LINGO1: variants seen among roughly 807,000 people sequenced by gnomAD.
The protein encoded by LINGO1 is leucine rich repeat and Ig domain containing 1.
A neutral mutation model predicts 37.3 loss-of-function variants in LINGO1; 11 were observed. The observed-to-expected ratio is 0.29, with a 90% confidence interval of 0.19 to 0.49. LINGO1 has a LOEUF of 0.49. Ranked by LOEUF, LINGO1 falls within the 20% of genes least tolerant of loss-of-function variation. LINGO1 has a pLI of 0.99. For missense variants in LINGO1, 585 were observed against 878.2 expected (o/e 0.67, Z 4.22); for synonymous variants, 387 against 403.0 (o/e 0.96, Z 0.48).
intron 1 of LINGO1, among the ~76,000 whole-genome samples, chr15:77,804,985 C>G (rs369731610): frequency 1.3e-5 from 2 of 152,322 alleles, no homozygotes; most frequent in Admixed American, 1.3e-4. Context: ...GCCCACCCCC[C>G]CAACTGCTCC....
chr15:77,810,227 T>TACACACAC lies in LINGO1; in HGVS notation c.-458+10023_-458+10030dup, dbSNP rs59680666. Among the ~76,000 whole-genome samples, 279 of 143,192 alleles carry TACACACAC rather than the reference T, an allele frequency of 1.9e-3. 1 individual carries two copies. Among genetic ancestry groups the TACACACAC allele is most frequent in the African/African-American group, 4.6e-3 (178 of 38,992 alleles). The allele number at this position is 143,192 out of a possible 152,430, so 93.9% of individuals were successfully genotyped here. A position where few individuals can be genotyped will look rare whatever the true frequency, so the allele number is the denominator to read the frequency against. ...AAGTAACTAGGCACACACACAAACA[T>TACACACAC]ACACACACACACACACACACACGCA... On this transcript the variant is annotated intron_variant, in intron 1 of 5. Coordinates refer to the LINGO1 transcript ENST00000562933.
At chr15:77,666,866 T>TGGGCAGGCTGGCAGCACAGGAGAC (rs2075141332) in intron 3 of LINGO1, 1 of 152,192 alleles carries the variant, frequency 6.6e-6, no homozygotes, top group African/African-American at 2.4e-5. Flanking sequence ...ATGTAGCAAA[T>TGGGCAGGCTGGCAGCACAGGAGAC]GGGCAGGCTG....
At chr15:77,807,981 C>T (rs1177504096) in intron 1 of LINGO1, among the ~76,000 whole-genome samples, 1 of 152,120 alleles carries the variant, frequency 6.6e-6, no homozygotes, top group Non-Finnish European at 1.5e-5. Context: ...CACCCAGCTC[C>T]ACATTCTAGG....
intron 2 of LINGO1, among the ~76,000 whole-genome samples, chr15:77,726,149 C>T (rs2076099783): frequency 6.6e-6 from 1 of 152,216 alleles, no homozygotes; most frequent in Admixed American, 6.5e-5. Context: ...CTTTTTCTCC[C>T]CCAGACCAGT....
intron 3 of LINGO1, among the ~76,000 whole-genome samples, chr15:77,656,737 C>G (rs756053410): frequency 2.0e-5 from 3 of 152,210 alleles, no homozygotes; most frequent in Non-Finnish European, 4.4e-5. Flanking sequence ...GTTAGGCACC[C>G]TCTGCCTCCC....
At chr15:77,659,596 C>A (rs1218665553) in intron 3 of LINGO1, among the ~76,000 whole-genome samples, 1 of 152,154 alleles carries the variant, frequency 6.6e-6, no homozygotes, top group East Asian at 1.9e-4. Flanking sequence ...AGTTCAGAAC[C>A]ATGTCACCTC....
Position 77,615,420 on chromosome 15 carries a change from ACATGTAGT to A in LINGO1, c.479_486del (p.Asp160ValfsTer16). 6.2e-7 allele frequency: 1 copy of A among 1,614,028 alleles called. No individual in the cohort carries two copies. Among genetic ancestry groups the A allele is most frequent in the Non-Finnish European group, 8.5e-7 (1 of 1,179,908 alleles). ...GACTTGAGGTTGTACAGGTCCTGAA[ACATGTAGT>A]CCAGTAGGATAACGATCTTGTTCTC... On this transcript the variant is annotated frameshift_variant, in exon 2 of 2. Transcript: ENST00000355300. LOFTEE classifies it high-confidence loss of function.
intron 1 of LINGO1, among the ~76,000 whole-genome samples, chr15:77,765,866 G>T (rs1451918247): frequency 1.3e-5 from 2 of 152,244 alleles, no homozygotes; most frequent in South Asian, 2.1e-4. Context: ...GGCAGCCATG[G>T]TTGACAGGCC....
intron 3 of LINGO1, among the ~76,000 whole-genome samples, chr15:77,656,007 G>A (rs548434879): frequency 6.6e-6 from 1 of 152,246 alleles, no homozygotes; most frequent in Non-Finnish European, 1.5e-5. Flanking sequence ...TCCTGCCCCT[G>A]CTGGGACTCT....
chr15:77,691,693 C>T (rs987045562), intron 1 of LINGO1, among the ~76,000 whole-genome samples: 2 of 152,056 alleles, frequency 1.3e-5, no homozygotes, highest in African/African-American at 4.8e-5. Context: ...AACAGCAAGA[C>T]ACTGCAGGCT....
intron 1 of LINGO1, among the ~76,000 whole-genome samples, chr15:77,630,177 GC>G (rs2074211526): frequency 6.6e-6 from 1 of 151,390 alleles, no homozygotes; most frequent in Non-Finnish European, 1.5e-5. Context: ...ACTACCCACC[GC>G]CCCCCACCCT....
Position 77,615,652 on chromosome 15 carries a change from C to T in LINGO1, c.255G>A (p.Thr85=), listed in dbSNP as rs373410164. Residue 85 remains threonine (T), a synonymous_variant, in exon 2 of 2, where the codon ACG becomes ACA. Coordinates refer to ENST00000355300, the MANE Select transcript of LINGO1 (RefSeq NM_032808.7). ...LLDLGKNRIK[T]LNQDEFASFP... The stretch of plus-strand genomic sequence containing the variant: ...AGCTGGCGAACTCGTCCTGGTTGAG[C>T]GTTTTGATGCGGTTCTTGCCTAGGT... The T allele has an allele frequency of 1.9e-5, 30 of 1,609,354 alleles. No individual in the cohort carries two copies. The highest frequency in any genetic ancestry group is 1.5e-4 in the Admixed American group (9 of 59,586).
At chr15:77,657,513 A>G (rs972590473) in intron 3 of LINGO1, among the ~76,000 whole-genome samples, 2 of 152,186 alleles carry the variant, frequency 1.3e-5, no homozygotes, top group African/African-American at 4.8e-5. Context: ...CTCCCCAGAC[A>G]TTCCCATGAC....
intron 1 of LINGO1, among the ~76,000 whole-genome samples, chr15:77,694,049 G>A (rs968217310): frequency 6.6e-6 from 1 of 152,074 alleles, no homozygotes; most frequent in African/African-American, 2.4e-5. Flanking sequence ...AGGTATGCAA[G>A]CAGAGGTCTG....
intron 2 of LINGO1, among the ~76,000 whole-genome samples, chr15:77,718,497 G>T (rs1288756826): frequency 6.6e-6 from 1 of 150,840 alleles, no homozygotes; most frequent in Non-Finnish European, 1.5e-5. Context: ...TATGTATTGC[G>T]TGCCTACACA....
chr15:77,633,906 C>G (rs1202429913), upstream of LINGO1, among the ~76,000 whole-genome samples: 2 of 152,188 alleles, frequency 1.3e-5, no homozygotes, highest in African/African-American at 4.8e-5. Context: ...TATACTACCC[C>G]CTCCATCTCC....
chr15:77,793,233 G>A (rs534582300), intron 2 of LINGO1, among the ~76,000 whole-genome samples: 13 of 152,112 alleles, frequency 8.5e-5, no homozygotes, highest in Non-Finnish European at 1.0e-4. Context: ...TAAACACCAC[G>A]GATCCCACCA....
upstream of LINGO1, chr15:77,634,437 C>G: frequency 2.3e-6 from 1 of 432,956 alleles, no homozygotes; most frequent in Non-Finnish European, 4.6e-6. Context: ...CCATGCTATG[C>G]TCTACTGTGA....
chr15:77,755,380 G>T (rs970553399), intron 1 of LINGO1, among the ~76,000 whole-genome samples: 3 of 152,244 alleles, frequency 2.0e-5, no homozygotes, highest in African/African-American at 7.2e-5. Flanking sequence ...GGCCCTCATG[G>T]TAGAAATGAG....
Sources: gnomAD v4.1 joint callset for allele counts (sites outside exome capture counted in the v4.1 genomes callset) on GRCh38, gnomAD v4.1.1 for gene constraint, MANE v1.5 for transcripts, NCBI Gene and HGNC (gene_info 2026-07-23, HGNC 2026-07-21) for gene names.